Variants in ENTREP1 observed in about 807,000 individuals in gnomAD.
ENTREP1 encodes the protein endosomal transmembrane epsin interactor 1.
At chr9:69,340,069 C>T in the ENTREP1 span, among the ~76,000 whole-genome samples, 1 of 152,138 alleles carries the variant, frequency 6.6e-6, no homozygotes, top group Non-Finnish European at 1.5e-5. Context: ...AATTTGACAG[C>T]CAGTAAGAAA....
the ENTREP1 span, among the ~76,000 whole-genome samples, chr9:69,333,257 A>G: frequency 1.1e-4 from 16 of 152,104 alleles, no homozygotes; most frequent in East Asian, 3.9e-4. Context: ...CAGTTTAGGC[A>G]TATTGCTATT....
chr9:69,324,858 G>A, the ENTREP1 span: 1 of 985,296 alleles, frequency 1.0e-6, no homozygotes, highest in Non-Finnish European at 1.2e-6. Flanking sequence ...CCAGCTCGGC[G>A]GGTGGGGACA....
the ENTREP1 span, among the ~76,000 whole-genome samples, chr9:69,390,429 C>G: frequency 1.3e-5 from 2 of 152,244 alleles, no homozygotes; most frequent in Admixed American, 6.5e-5. Flanking sequence ...CCTCTTCAAT[C>G]CCAGTTGGAT....
chr9:69,371,566 G>T, the ENTREP1 span: 4 of 1,613,886 alleles, frequency 2.5e-6, no homozygotes, highest in Non-Finnish European at 3.4e-6. Flanking sequence ...ATCCTAGGCT[G>T]CCAAGGGGCC....
the ENTREP1 span, among the ~76,000 whole-genome samples, chr9:69,335,869 A>ACGTGCGCCTGTAGTCCTGACGT: frequency 1.1e-4 from 3 of 26,534 alleles, no homozygotes; most frequent in Admixed American, 3.4e-4. Flanking sequence ...CTGTAGTCCT[A>ACGTGCGCCTGTAGTCCTGACGT]GCTACTGGAG....
At chr9:69,377,175 A>T in the ENTREP1 span, among the ~76,000 whole-genome samples, 1 of 152,214 alleles carries the variant, frequency 6.6e-6, no homozygotes, top group African/African-American at 2.4e-5. Flanking sequence ...ACATTATTGC[A>T]TGAGGGTCAT....
chr9:69,365,738 A>T, the ENTREP1 span, among the ~76,000 whole-genome samples: 14 of 151,986 alleles, frequency 9.2e-5, no homozygotes, highest in African/African-American at 3.4e-4. Context: ...CGATGAGATT[A>T]ACTGTTTAAG....
chr9:69,350,609 C>CT, the ENTREP1 span, among the ~76,000 whole-genome samples: 1 of 152,000 alleles, frequency 6.6e-6, no homozygotes, highest in Non-Finnish European at 1.5e-5. Flanking sequence ...TCTTTGAGTT[C>CT]TTTTTTCATT....
At chr9:69,340,682 C>CATGTGTGTGTGT in the ENTREP1 span, among the ~76,000 whole-genome samples, 2 of 16,296 alleles carry the variant, frequency 1.2e-4, no homozygotes, top group East Asian at 1.3e-3. Flanking sequence ...TGTGTGCATG[C>CATGTGTGTGTGT]ATGTGTGTGT....
At chr9:69,391,737 G>A in the ENTREP1 span, 1 of 1,614,014 alleles carries the variant, frequency 6.2e-7, no homozygotes, top group Non-Finnish European at 8.5e-7. Flanking sequence ...GCCGAGAGGA[G>A]GCCCCGGCGA....
chr9:69,372,849 C>CT, the ENTREP1 span, among the ~76,000 whole-genome samples: 70 of 148,018 alleles, frequency 4.7e-4, no homozygotes, highest in African/African-American at 1.1e-3. Context: ...TTATTTTCTG[C>CT]TTTTTTTTTT....
the ENTREP1 span, chr9:69,379,430 G>C: frequency 6.6e-6 from 1 of 152,348 alleles, no homozygotes; most frequent in African/African-American, 2.4e-5. Context: ...CCTGGGCTAG[G>C]CCTGTGGGAC....
the ENTREP1 span, among the ~76,000 whole-genome samples, chr9:69,366,811 A>T: frequency 6.6e-6 from 1 of 151,922 alleles, no homozygotes; most frequent in Non-Finnish European, 1.5e-5. Context: ...TCTCCAATGT[A>T]TGTTCTTGGT....
the ENTREP1 span, among the ~76,000 whole-genome samples, chr9:69,354,140 A>G: frequency 6.7e-6 from 1 of 150,050 alleles, no homozygotes; most frequent in Non-Finnish European, 1.5e-5. Context: ...TGTCTTACGT[A>G]TTTTTTTTAT....
the ENTREP1 span, among the ~76,000 whole-genome samples, chr9:69,363,447 G>A: frequency 1.3e-5 from 2 of 152,318 alleles, no homozygotes; most frequent in East Asian, 3.9e-4. Context: ...CAAGCTCCCA[G>A]CAGGAAACAG....
At chr9:69,347,699 G>A in the ENTREP1 span, among the ~76,000 whole-genome samples, 4 of 152,258 alleles carry the variant, frequency 2.6e-5, no homozygotes, top group Non-Finnish European at 4.4e-5. Context: ...CATGGTCCTG[G>A]ACTCCAATTT....
the ENTREP1 span, among the ~76,000 whole-genome samples, chr9:69,357,530 C>T: frequency 2.0e-5 from 3 of 152,128 alleles, no homozygotes; most frequent in Admixed American, 6.6e-5. Flanking sequence ...GGCTTGTTGG[C>T]AAGGAGAGCT....
At chr9:69,382,617 C>G in the ENTREP1 span, 2 of 152,210 alleles carry the variant, frequency 1.3e-5, no homozygotes, top group Non-Finnish European at 2.9e-5. Flanking sequence ...TCTCATTCTT[C>G]TCAGTCCCAG....
At chr9:69,357,783 C>T in the ENTREP1 span, among the ~76,000 whole-genome samples, 3 of 152,068 alleles carry the variant, frequency 2.0e-5, no homozygotes, top group Admixed American at 6.5e-5. Context: ...TCCAAGCATT[C>T]GTTTTGCTAA....
Sources: gnomAD v4.1 joint callset for allele counts (sites outside exome capture counted in the v4.1 genomes callset) on GRCh38, gnomAD v4.1.1 for gene constraint, MANE v1.5 for transcripts, NCBI Gene and HGNC (gene_info 2026-07-23, HGNC 2026-07-21) for gene names.